The following KCNMA1 variants were observed in gnomAD, a reference collection of about 807,000 sequenced individuals.
The protein encoded by KCNMA1 is potassium calcium-activated channel subfamily M alpha 1, also known as Calcium-activated potassium channel subunit alpha-1.
Under a neutral mutation model 140.0 loss-of-function variants are expected in KCNMA1, and 29 were observed. The observed-to-expected ratio is 0.21, with a 90% CI of 0.15 to 0.28. KCNMA1 has a LOEUF of 0.28. KCNMA1 is among the 10% of genes least tolerant of loss of function. The probability of loss-of-function intolerance (pLI) is 1.00; values close to 1 mark genes in which losing one functional copy is unlikely to be tolerated. For missense variants in KCNMA1, 880 were observed against 1,602.2 expected (o/e 0.55, Z 7.70); for synonymous variants, 612 against 611.9 (o/e 1.00, Z 0.00).
intron 2 of KCNMA1, among the ~76,000 whole-genome samples, chr10:77,295,043 T>C (rs1048619147): frequency 2.0e-5 from 3 of 152,116 alleles, no homozygotes; most frequent in Non-Finnish European, 2.9e-5. Context: ...CTGATGTGAA[T>C]AGATCATTAA....
At chr10:76,930,436 C>A (rs1010918205) in intron 23 of KCNMA1, among the ~76,000 whole-genome samples, 3 of 152,096 alleles carry the variant, frequency 2.0e-5, no homozygotes, top group Non-Finnish European at 2.9e-5. Flanking sequence ...CACCTCATAC[C>A]TGTTAAGATT....
At chr10:77,461,228 CTTT>C (rs5786288) in intron 1 of KCNMA1, among the ~76,000 whole-genome samples, 1 of 146,894 alleles carries the variant, frequency 6.8e-6, no homozygotes, top group Admixed American at 6.8e-5. Flanking sequence ...TGTACTCCCT[CTTT>C]TTTTTTTTTC....
At chr10:77,197,613 C>T (rs2040959516) in intron 3 of KCNMA1, among the ~76,000 whole-genome samples, 1 of 152,214 alleles carries the variant, frequency 6.6e-6, no homozygotes, top group South Asian at 2.1e-4. Context: ...GGAATGCTCG[C>T]TGCTTTAATT....
chr10:77,514,265 G>T (rs1016539838), intron 1 of KCNMA1, among the ~76,000 whole-genome samples: 4 of 152,192 alleles, frequency 2.6e-5, no homozygotes, highest in Admixed American at 6.5e-5. Context: ...AGATAGCCAG[G>T]CCTCACCAGA....
At chr10:77,092,152 T>C (rs1245602776) in intron 9 of KCNMA1, 1 of 152,168 alleles carries the variant, frequency 6.6e-6, no homozygotes, top group Non-Finnish European at 1.5e-5. Context: ...CCAAAGCCCA[T>C]ATGACTAACC....
intron 1 of KCNMA1, among the ~76,000 whole-genome samples, chr10:77,488,133 A>C (rs1236489747): frequency 6.6e-6 from 1 of 152,230 alleles, no homozygotes; most frequent in African/African-American, 2.4e-5. Flanking sequence ...AACGATGTCG[A>C]CAAGATGGCA....
chr10:77,383,030 T>TA lies in KCNMA1; in HGVS notation c.540+20831_540+20832insT, dbSNP rs1566451029. 3.0e-3 allele frequency among the ~76,000 whole-genome samples: 310 copies of TA among 102,496 alleles called. 1 individual carries two copies. The highest frequency in any genetic ancestry group is 0.011 in the African/African-American group (283 of 24,710). 67.2% of individuals were successfully genotyped at this position (102,496 alleles called of 152,430 possible). The stretch of plus-strand genomic sequence containing the variant: ...TATATATATATATATATATATATAT[T>TA]CCAAGTGGAGGAAAGAAGTTTTCAG... On this transcript the variant is annotated intron_variant, in intron 2 of 27. Transcript: ENST00000286628.
chr10:77,300,086 T>C (rs1214814034), intron 2 of KCNMA1, among the ~76,000 whole-genome samples: 1 of 152,182 alleles, frequency 6.6e-6, no homozygotes, highest in African/African-American at 2.4e-5. Flanking sequence ...GCTAAGGGAC[T>C]TCAAGCCAGA....
At chr10:76,988,908 C>A (rs2082007433) in intron 19 of KCNMA1, among the ~76,000 whole-genome samples, 1 of 152,214 alleles carries the variant, frequency 6.6e-6, no homozygotes, top group Non-Finnish European at 1.5e-5. Flanking sequence ...AGATGGTGTC[C>A]CCGTTTGGCC....
intron 1 of KCNMA1, among the ~76,000 whole-genome samples, chr10:77,421,172 C>G (rs1018005971): frequency 2.0e-5 from 3 of 152,232 alleles, no homozygotes; most frequent in African/African-American, 7.2e-5. Context: ...ATGAGCACTC[C>G]TCTTTTCTAA....
At chr10:77,239,141 T>C (rs2056517843) in intron 3 of KCNMA1, among the ~76,000 whole-genome samples, 1 of 152,218 alleles carries the variant, frequency 6.6e-6, no homozygotes, top group African/African-American at 2.4e-5. Context: ...TGCTGTTCTT[T>C]AAAGGCCTTG....
At chr10:77,637,104 C>T (rs754083657) in intron 1 of KCNMA1, 161 bp downstream of exon 1, 1 of 1,286,248 alleles carries the variant, frequency 7.8e-7, no homozygotes, top group Non-Finnish European at 1.0e-6. Context: ...CTGCCCCGAT[C>T]CGAGAGCACC....
rs544583897 is a variant in KCNMA1 at position 77,402,212 on chromosome 10, C to T, written c.540+1650G>A. On this transcript the variant is annotated intron_variant, in intron 2 of 27. Transcript: ENST00000286628. ...TAAGTTTCCAATGCAGAATCCACTC[C>T]TCTTCAAGCATGAAAGAGCAATGGA... Among the ~76,000 whole-genome samples the T allele has an allele frequency of 6.6e-5, 10 of 152,306 alleles. No individual in the cohort carries two copies. In the South Asian group the frequency reaches 1.0e-3, roughly 16 times the overall value.
In KCNMA1 at chr10:77,610,838, C is replaced by T. The variant is rs151150384; in HGVS notation, c.378+26427G>A. On this transcript the variant is annotated intron_variant, in intron 1 of 27. Coordinates refer to ENST00000286628, the MANE Select transcript of KCNMA1 (RefSeq NM_001161352.2). ...CTTTGCGAATAAGCTAAAAAACTAC[C>T]GAACTGTATGTACACTTTAAAAGAA... Among the ~76,000 whole-genome samples the T allele has an allele frequency of 5.3e-5, 8 of 152,188 alleles. No homozygotes were observed. In the East Asian group the frequency reaches 9.6e-4, roughly 18 times the overall value.
At chr10:77,160,941 A>G (rs2098547347) in intron 5 of KCNMA1, among the ~76,000 whole-genome samples, 1 of 152,108 alleles carries the variant, frequency 6.6e-6, no homozygotes, top group Non-Finnish European at 1.5e-5. Flanking sequence ...TTTCACTCTC[A>G]CCATGAAATA....
intron 2 of KCNMA1, among the ~76,000 whole-genome samples, chr10:77,366,594 A>T (rs948065523): frequency 9.9e-5 from 15 of 152,232 alleles, no homozygotes; most frequent in Admixed American, 6.5e-5. Flanking sequence ...GTTGGTGATG[A>T]CAGTGATGAT....
At chr10:77,351,520 G>A (rs2092883261) in intron 2 of KCNMA1, among the ~76,000 whole-genome samples, 1 of 152,166 alleles carries the variant, frequency 6.6e-6, no homozygotes, top group African/African-American at 2.4e-5. Context: ...CCCTGAACTA[G>A]GCTCTGTCAC....
At chr10:77,325,603 C>A (rs1054611154) in intron 2 of KCNMA1, among the ~76,000 whole-genome samples, 1 of 152,208 alleles carries the variant, frequency 6.6e-6, no homozygotes, top group African/African-American at 2.4e-5. Context: ...ATGCATTTCC[C>A]ATGGATGCCC....
chr10:77,516,858 G>A (rs1456897113), intron 1 of KCNMA1, among the ~76,000 whole-genome samples: 2 of 152,176 alleles, frequency 1.3e-5, no homozygotes, highest in Non-Finnish European at 2.9e-5. Context: ...CTGAAGGGTG[G>A]AGAGGGCCTC....
Sources: gnomAD v4.1 joint callset for allele counts (sites outside exome capture counted in the v4.1 genomes callset) on GRCh38, gnomAD v4.1.1 for gene constraint, MANE v1.5 for transcripts, NCBI Gene and HGNC (gene_info 2026-07-23, HGNC 2026-07-21) for gene names.